Variants in OR1J2 observed in about 807,000 individuals in gnomAD.
OR1J2 encodes the protein olfactory receptor family 1 subfamily J member 2.
For synonymous variants in OR1J2, 142 were observed against 99.7 expected (o/e 1.42, Z -2.52); for missense variants, 304 against 246.1 (o/e 1.24, Z -1.57).
the OR1J2 span, among the ~76,000 whole-genome samples, chr9:122,490,330 A>G: frequency 6.6e-6 from 1 of 152,150 alleles, no homozygotes; most frequent in Middle Eastern, 3.2e-3. Flanking sequence ...TGGTGAGTGT[A>G]AATATATATA....
At chr9:122,519,989 A>G in the OR1J2 span, 2 of 1,614,178 alleles carry the variant, frequency 1.2e-6, no homozygotes, top group South Asian at 1.1e-5. Flanking sequence ...TGATCACCCC[A>G]TTGCTGAATC....
the OR1J2 span, among the ~76,000 whole-genome samples, chr9:122,531,925 T>A: frequency 1.3e-5 from 2 of 152,170 alleles, no homozygotes; most frequent in African/African-American, 4.8e-5. Flanking sequence ...CCAAGAGGTA[T>A]TTTAGTTTCC....
the OR1J2 span, among the ~76,000 whole-genome samples, chr9:122,482,366 A>T: frequency 2.3e-4 from 35 of 152,318 alleles, no homozygotes; most frequent in Non-Finnish European, 4.1e-4. Flanking sequence ...AAGACAAAAA[A>T]ATACCAAATA....
chr9:122,503,986 G>A, the OR1J2 span, among the ~76,000 whole-genome samples: 1 of 152,106 alleles, frequency 6.6e-6, no homozygotes, highest in Non-Finnish European at 1.5e-5. Context: ...TCAATTAGTT[G>A]TATGGAAATC....
upstream of OR1J2, among the ~76,000 whole-genome samples, chr9:122,506,688 G>A (rs1828527403): frequency 6.6e-6 from 1 of 152,078 alleles, no homozygotes; most frequent in African/African-American, 2.4e-5. Context: ...GAAACAGAAG[G>A]CAGCAGTTGG....
At chr9:122,508,265 A>G (rs938797615), upstream of OR1J2, among the ~76,000 whole-genome samples, 1 of 152,066 alleles carries the variant, frequency 6.6e-6, no homozygotes, top group African/African-American at 2.4e-5. Flanking sequence ...AGCCTAGCAC[A>G]CTTGGAACAC....
the OR1J2 span, among the ~76,000 whole-genome samples, chr9:122,454,227 A>G: frequency 6.6e-6 from 1 of 151,962 alleles, no homozygotes; most frequent in East Asian, 1.9e-4. Context: ...AAAAATGACA[A>G]CTCCCAGTGG....
downstream of OR1J2, among the ~76,000 whole-genome samples, chr9:122,512,450 A>G (rs1036433177): frequency 5.9e-5 from 9 of 152,226 alleles, no homozygotes; most frequent in African/African-American, 2.2e-4. Context: ...AAGCTGCCAC[A>G]TGCAACAATG....
At chr9:122,523,741 G>T in the OR1J2 span, among the ~76,000 whole-genome samples, 1 of 152,126 alleles carries the variant, frequency 6.6e-6, no homozygotes, top group African/African-American at 2.4e-5. Context: ...ATTTTGATTA[G>T]GTTTAACAGT....
the OR1J2 span, among the ~76,000 whole-genome samples, chr9:122,548,585 ATT>A: frequency 1.3e-5 from 2 of 151,378 alleles, no homozygotes; most frequent in East Asian, 1.9e-4. Context: ...ATTTTTTAAA[ATT>A]TTTATATATA....
chr9:122,518,265 T>A, the OR1J2 span, among the ~76,000 whole-genome samples: 8 of 152,264 alleles, frequency 5.3e-5, no homozygotes, highest in Non-Finnish European at 8.8e-5. Context: ...CCACTAGGTA[T>A]GGTGTTTACT....
At chr9:122,510,451 T>C (rs1318430859), upstream of OR1J2, among the ~76,000 whole-genome samples, 1 of 152,036 alleles carries the variant, frequency 6.6e-6, no homozygotes, top group Non-Finnish European at 1.5e-5. Flanking sequence ...AGGAAAAATA[T>C]GAGAAGCAGG....
chr9:122,499,583 G>A, the OR1J2 span, among the ~76,000 whole-genome samples: 2 of 152,138 alleles, frequency 1.3e-5, no homozygotes, highest in Non-Finnish European at 2.9e-5. Flanking sequence ...CTGGAGATCT[G>A]CCTGGGCATG....
chr9:122,527,071 T>C, the OR1J2 span: 16 of 1,614,178 alleles, frequency 9.9e-6, no homozygotes, highest in Non-Finnish European at 1.3e-5. Context: ...TTGGTAACTG[T>C]GGAGGACGTT....
At chr9:122,489,155 G>A in the OR1J2 span, among the ~76,000 whole-genome samples, 11 of 152,072 alleles carry the variant, frequency 7.2e-5, no homozygotes, top group African/African-American at 2.7e-4. Flanking sequence ...GGTAAGAGCC[G>A]AGTGCTGTGG....
chr9:122,451,186 A>ATTG, the OR1J2 span, among the ~76,000 whole-genome samples: 1 of 145,638 alleles, frequency 6.9e-6, no homozygotes, highest in Non-Finnish European at 1.5e-5. Context: ...TATTATTATT[A>ATTG]TTATTATTAT....
the OR1J2 span, among the ~76,000 whole-genome samples, chr9:122,468,146 GAC>G: frequency 6.6e-6 from 1 of 152,192 alleles, no homozygotes; most frequent in East Asian, 1.9e-4. Flanking sequence ...CTGTGAAAAA[GAC>G]AGTGTATACC....
At chr9:122,471,835 T>C in the OR1J2 span, among the ~76,000 whole-genome samples, 7 of 152,250 alleles carry the variant, frequency 4.6e-5, no homozygotes, top group African/African-American at 1.7e-4. Flanking sequence ...AAAAATAAGC[T>C]GGAGAATAGT....
the OR1J2 span, among the ~76,000 whole-genome samples, chr9:122,530,843 G>C: frequency 1.4e-3 from 207 of 152,278 alleles, no homozygotes; most frequent in African/African-American, 4.8e-3. Flanking sequence ...GGATGAGCCA[G>C]AAGGAATTTC....
Sources: allele counts gnomAD v4.1 joint callset (sites outside exome capture counted in the v4.1 genomes callset), GRCh38; gene constraint gnomAD v4.1.1; transcripts MANE v1.5; gene names NCBI Gene and HGNC (gene_info 2026-07-23, HGNC 2026-07-21).